The following POLR3A variants were observed in gnomAD, a reference collection of about 807,000 sequenced individuals.
The protein encoded by POLR3A is RNA polymerase III subunit A, also known as DNA-directed RNA polymerase III subunit RPC1.
POLR3A carries 112 observed loss-of-function variants against 152.8 expected under a neutral mutation model. The ratio of observed to expected loss-of-function variants is 0.73; its 90% CI spans 0.63 to 0.86. POLR3A has a LOEUF of 0.86. Among genes scored for constraint, POLR3A ranks in the 40% least tolerant of loss-of-function variants. The pLI, the probability that POLR3A is intolerant of heterozygous loss-of-function variation, is 0.00. For missense variants in POLR3A, 1,385 were observed against 1,743.1 expected, an observed-to-expected ratio of 0.79 and a Z score of 3.66; for synonymous variants, 615 against 652.1, an observed-to-expected ratio of 0.94 and a Z score of 0.87.
At chr10:78,003,389 C>G (rs1252270518) in intron 16 of POLR3A, among the ~76,000 whole-genome samples, 3 of 152,188 alleles carry the variant, frequency 2.0e-5, no homozygotes, top group Non-Finnish European at 2.9e-5. Context: ...TGAGTCAAAG[C>G]TCAGTGCCAC....
Position 77,991,157 on chromosome 10 carries a change from G to C in POLR3A, c.2798C>G (p.Pro933Arg). 1 of 1,604,044 alleles carries C rather than the reference G, an allele frequency of 6.2e-7. No individual in the cohort carries two copies. The change falls in exon 21 of 31, where the codon CCG becomes CGG. Residue 933 changes from proline (P) to arginine (R), a missense_variant. By Grantham distance (103) the Pro-to-Arg change is moderately radical. This residue lies in a region of POLR3A where 178 missense variants were observed against 204.6 expected (regional missense o/e 0.87). Coordinates refer to ENST00000372371, the MANE Select transcript of POLR3A (RefSeq NM_007055.4). The stretch of plus-strand genomic sequence containing the variant: ...GCTGAGAGCAGGCTCACTGGGACAC[G>C]GGAAGACTGCCTTGAGTATTAAAAG... The part of the protein sequence containing the change: ...RVLDNIKAVF[P>R]CPSEPALSKN...
intron 20 of POLR3A, among the ~76,000 whole-genome samples, chr10:77,991,751 C>G (rs1847250556): frequency 1.3e-5 from 2 of 152,162 alleles, no homozygotes; most frequent in African/African-American, 4.8e-5. Context: ...TTTCAAACTC[C>G]TGACCTCAAG....
In POLR3A at chr10:78,009,890, G is replaced by A. The variant is rs187245012; in HGVS notation, c.1744C>T (p.Arg582Cys). The change falls in exon 13 of 31, where the codon CGC (arginine) becomes TGC (cysteine). Residue 582 changes from arginine to cysteine, a missense_variant. By Grantham distance (180) the Arg-to-Cys change is radical. Coordinates refer to ENST00000372371, the MANE Select transcript of POLR3A (RefSeq NM_007055.4). ...TTTAGGATTGTAGGCGGTGGGAGGC[G>A]AACTTTAATTTTCTCATCCTTGCCA... ...LVGKDEKIKV[R>C]LPPPTILKPV... 1.3e-4 allele frequency: 210 copies of A among 1,614,062 alleles called. No individual in the cohort carries two copies. Among genetic ancestry groups the A allele is most frequent in the Admixed American group, 1.1e-3 (66 of 59,984 alleles).
chr10:77,987,996 C>T (rs1264866981), intron 21 of POLR3A, among the ~76,000 whole-genome samples: 8 of 152,206 alleles, frequency 5.3e-5, no homozygotes, highest in African/African-American at 1.7e-4. Flanking sequence ...GGGGTTTCTT[C>T]GATGTAATCT....
In POLR3A at chr10:77,983,216, T is replaced by C. The variant is rs12244329; in HGVS notation, c.3430-399A>G. Among the ~76,000 whole-genome samples, 470 of 152,308 alleles carry C rather than the reference T, an allele frequency of 3.1e-3. 4 individuals are homozygous for C. The highest frequency in any genetic ancestry group is 0.011 in the African/African-American group (439 of 41,568). On this transcript the variant is annotated intron_variant, in intron 26 of 30. Coordinates refer to ENST00000372371, the MANE Select transcript of POLR3A (RefSeq NM_007055.4). ...GCTACGTTCCTGGATACAACTCATC[T>C]CTTCTGCAAAGGAGCCACAAGGCAG...
In POLR3A at chr10:77,991,824, CCT is replaced by C. The variant is rs570958835; in HGVS notation, c.2788-659_2788-658del. On this transcript the variant is annotated intron_variant, in intron 20 of 30. Coordinates refer to ENST00000372371, the MANE Select transcript of POLR3A (RefSeq NM_007055.4). ...ACAAGCGTGAGCCCCAGCAGAATTT[CCT>C]CTTTTTTCCTCTCCTCTGCTTTGTC... Among the ~76,000 whole-genome samples, 219 of 152,318 alleles carry C rather than the reference CCT, an allele frequency of 1.4e-3. 1 individual carries two copies. The highest frequency in any genetic ancestry group is 2.5e-3 in the Non-Finnish European group (173 of 68,032).
rs1002928051 is a variant in POLR3A, at chr10:77,975,163, C to A, written c.*2315G>T. The A allele has an allele frequency of 2.6e-5, 4 of 152,182 alleles. No individual in the cohort carries two copies. The East Asian group carries it at 7.7e-4, about 29-fold the overall frequency. The allele number at this position is 152,182 out of a possible 1,614,324, so 9.4% of individuals were successfully genotyped here. On this transcript the variant is annotated 3_prime_UTR_variant, in exon 31 of 31. Coordinates refer to ENST00000372371, the MANE Select transcript of POLR3A (RefSeq NM_007055.4). ...CTATTCATGGATGAGATGGAATTCA[C>A]ACGTATTTTTATTTCTTCCAAGCAG...
At chr10:77,997,918 A>AACCAAAACAGAGATATAGACTGGT (rs568378361) in intron 19 of POLR3A, among the ~76,000 whole-genome samples, 1 of 152,182 alleles carries the variant, frequency 6.6e-6, no homozygotes, top group African/African-American at 2.4e-5. Context: ...AGGCTACAGT[A>AACCAAAACAGAGATATAGACTGGT]ACCAAAACAG....
intron 19 of POLR3A, among the ~76,000 whole-genome samples, chr10:77,999,365 T>C (rs887485611): frequency 1.3e-5 from 2 of 152,182 alleles, no homozygotes; most frequent in Non-Finnish European, 2.9e-5. Flanking sequence ...AAAGACATCT[T>C]TTGCCTGTGG....
Position 77,996,005 on chromosome 10 carries a change from A to T in POLR3A, c.2617-2638T>A, listed in dbSNP as rs533323961. Reference sequence around the variant, plus strand: ...TCAAACTAGAACTCAGGATTAAGAAACTCACTCAAAACCGCTCAACTACAT... The same window carrying T: ...TCAAACTAGAACTCAGGATTAAGAATCTCACTCAAAACCGCTCAACTACAT... On this transcript the variant is annotated intron_variant, in intron 19 of 30. Transcript: ENST00000372371. Among the ~76,000 whole-genome samples the T allele has an allele frequency of 2.0e-3, 306 of 152,236 alleles. 3 individuals are homozygous for T. Among genetic ancestry groups the T allele is most frequent in the African/African-American group, 6.3e-3 (261 of 41,536 alleles).
intron 16 of POLR3A, among the ~76,000 whole-genome samples, chr10:78,002,805 C>T (rs1847370359): frequency 6.6e-6 from 1 of 152,102 alleles, no homozygotes; most frequent in Non-Finnish European, 1.5e-5. Context: ...TAGGCATAAG[C>T]CACCAAGCCT....
chr10:78,011,764 T>C (rs983554585), intron 11 of POLR3A, among the ~76,000 whole-genome samples: 1 of 152,198 alleles, frequency 6.6e-6, no homozygotes, highest in African/African-American at 2.4e-5. Flanking sequence ...ATTAGAGCCC[T>C]ATGCACTACA....
Position 78,012,698 on chromosome 10 carries a change from T to C in POLR3A, c.1572+952A>G, listed in dbSNP as rs760444098. ...GTGCTATTGCTGGGTCAGGAGTGAA[T>C]AGTACATGTAGTGCCAACAGGTTTT... On this transcript the variant is annotated intron_variant, in intron 11 of 30. Coordinates refer to ENST00000372371, the MANE Select transcript of POLR3A (RefSeq NM_007055.4). Among the ~76,000 whole-genome samples, 7 of 151,944 alleles carry C rather than the reference T, an allele frequency of 4.6e-5. No homozygotes were observed. The South Asian group carries it at 1.5e-3, about 32-fold the overall frequency.
At chr10:78,011,013 T>G (rs769040696) in intron 11 of POLR3A, among the ~76,000 whole-genome samples, 3 of 151,896 alleles carry the variant, frequency 2.0e-5, no homozygotes, top group Non-Finnish European at 2.9e-5. Context: ...CCCAGCTAAG[T>G]TTTTGCATTT....
Position 77,991,033 on chromosome 10 carries a change from C to G in POLR3A, c.2901+21G>C, listed in dbSNP as rs201788149. 8.7e-6 allele frequency: 12 copies of G among 1,378,540 alleles called. No individual in the cohort carries two copies. In the East Asian group the frequency reaches 2.7e-4, roughly 32 times the overall value. 85.4% of individuals were successfully genotyped at this position (1,378,540 alleles called of 1,614,324 possible). ...ACGACAGCCAGGCTGGGTGCAGTAG[C>G]CAGCACCTGGCAGAGCTCACCTGCA... On this transcript the variant is annotated intron_variant, in intron 21 of 30. Coordinates refer to ENST00000372371, the MANE Select transcript of POLR3A (RefSeq NM_007055.4).
chr10:77,983,902 T>G lies in POLR3A; in HGVS notation c.3429+18A>C. On this transcript the variant is annotated intron_variant, in intron 26 of 30. Transcript: ENST00000372371. ...CTAACAGGATGACTTCCTCTCTACA[T>G]TTAATTATGTGACTCACTTCCAGTC... is the stretch of plus-strand genomic sequence containing the variant. The G allele has an allele frequency of 6.6e-7, 1 of 1,515,890 alleles. No individual in the cohort carries two copies. The highest frequency in any genetic ancestry group is 1.1e-5 in the South Asian group (1 of 88,914). The allele number at this position is 1,515,890 out of a possible 1,614,324, so 93.9% of individuals were successfully genotyped here. A position where few individuals can be genotyped will look rare whatever the true frequency, so the allele number is the denominator to read the frequency against.
chr10:77,996,829 T>C (rs1414772720), intron 19 of POLR3A, among the ~76,000 whole-genome samples: 1 of 152,214 alleles, frequency 6.6e-6, no homozygotes, highest in African/African-American at 2.4e-5. Context: ...AGCATCATCC[T>C]GATACCAAAG....
chr10:78,015,652 ACTT>A (rs978237893), intron 10 of POLR3A, among the ~76,000 whole-genome samples: 2 of 150,082 alleles, frequency 1.3e-5, no homozygotes, highest in Non-Finnish European at 3.0e-5. Flanking sequence ...AAAAATTTCT[ACTT>A]CTTTTTTTAG....
Position 77,982,691 on chromosome 10 carries a change from A to G in POLR3A, c.3556T>C (p.Tyr1186His), listed in dbSNP as rs576679853. ...TPRENSKSSM[Y>H]YVLQFLKEDL... The stretch of plus-strand genomic sequence containing the variant: ...TCTTTCAGGAACTGCAGCACGTAGT[A>G]CATGGAGCTCTTGCTGTTCTCTCTG... The change falls in exon 27 of 31, where the codon TAC becomes CAC. Residue 1186 changes from tyrosine to histidine, a missense_variant. Transcript: ENST00000372371. 6.2e-7 allele frequency: 1 copy of G among 1,613,826 alleles called. No homozygotes were observed. Among genetic ancestry groups the G allele is most frequent in the Admixed American group, 1.7e-5 (1 of 60,018 alleles).
Sources: gnomAD v4.1 joint callset for allele counts (sites outside exome capture counted in the v4.1 genomes callset) on GRCh38, gnomAD v4.1.1 for gene constraint, gnomAD v4.1.1 regional missense constraint, MANE v1.5 for transcripts, NCBI Gene and HGNC (gene_info 2026-07-23, HGNC 2026-07-21) for gene names.